The following RPTOR variants were observed in gnomAD, a reference collection of about 807,000 sequenced individuals.
RPTOR encodes the protein regulatory associated protein of MTOR complex 1, also known as regulatory-associated protein of mTOR.
RPTOR carries 21 observed loss-of-function variants against 169.9 expected under a neutral mutation model. The ratio of observed to expected loss-of-function variants is 0.12; its 90% CI spans 0.09 to 0.18. The LOEUF is 0.18. RPTOR is among the 10% of genes least tolerant of loss of function. RPTOR has a pLI of 1.00. For synonymous variants in RPTOR, 732 were observed against 753.2 expected (o/e 0.97, Z 0.46); for missense variants, 1,133 against 1,855.9 (o/e 0.61, Z 7.16).
At chr17:80,916,067 C>G (rs2068670184) in intron 21 of RPTOR, among the ~76,000 whole-genome samples, 2 of 152,192 alleles carry the variant, frequency 1.3e-5, no homozygotes. Flanking sequence ...CCTCATTCTT[C>G]CTGGATGCAG....
chr17:80,595,464 T>C (rs551408969), intron 1 of RPTOR, among the ~76,000 whole-genome samples: 213 of 144,390 alleles, frequency 1.5e-3, no homozygotes, highest in Middle Eastern at 3.7e-3. Flanking sequence ...ACAGGGTTTT[T>C]CCCCCCCCTT....
At chr17:80,847,668 C>T (rs550691213) in intron 11 of RPTOR, among the ~76,000 whole-genome samples, 2 of 152,310 alleles carry the variant, frequency 1.3e-5, no homozygotes, top group East Asian at 3.9e-4. Context: ...AGAGCCCCAC[C>T]TCCGGGTGTG....
intron 17 of RPTOR, among the ~76,000 whole-genome samples, chr17:80,890,312 G>T (rs2068304690): frequency 6.6e-6 from 1 of 152,280 alleles, no homozygotes; most frequent in Non-Finnish European, 1.5e-5. Context: ...GACAGGTGCA[G>T]CCTTGATCTT....
At chr17:80,612,135 G>T in intron 1 of RPTOR, among the ~76,000 whole-genome samples, 1 of 152,168 alleles carries the variant, frequency 6.6e-6, no homozygotes, top group East Asian at 1.9e-4. Context: ...TTAAAAATAG[G>T]CATCTTTTTT....
intron 9 of RPTOR, among the ~76,000 whole-genome samples, chr17:80,833,255 G>T (rs948772189): frequency 6.6e-6 from 1 of 152,218 alleles, no homozygotes; most frequent in Non-Finnish European, 1.5e-5. Context: ...ATGTTTTCCA[G>T]GCGAGTGACT....
At chr17:80,625,540 G>A in intron 1 of RPTOR, 151 bp from the exon 2 acceptor site, 1 of 630,632 alleles carries the variant, frequency 1.6e-6, no homozygotes, top group Non-Finnish European at 2.8e-6. Flanking sequence ...CACTAGGGCT[G>A]GGGTAGCCAG....
chr17:80,922,775 C>A lies in RPTOR; in HGVS notation c.2572C>A (p.Gln858Lys). The A allele has an allele frequency of 6.3e-7, 1 of 1,582,180 alleles. No individual in the cohort carries two copies. Residue 858 changes from glutamine to lysine, a missense_variant, in exon 22 of 34, where the codon CAG (glutamine) becomes AAG (lysine). Transcript: ENST00000306801. ...QRVLDTSSLT[Q>K]SAPASPTNKG... ...CGTCCTGGACACCTCCTCCCTCACG[C>A]AGTCGGCCCCCGCCAGCCCCACCAA...
chr17:80,685,627 A>ATATATATATTTT (rs1269766086), intron 3 of RPTOR, among the ~76,000 whole-genome samples: 1 of 30,684 alleles, frequency 3.3e-5, no homozygotes, highest in Non-Finnish European at 5.4e-5. Flanking sequence ...ATATATATAT[A>ATATATATATTTT]TTTTTTTTTT....
At chr17:80,806,846 C>T (rs147331971) in intron 7 of RPTOR, among the ~76,000 whole-genome samples, 80 of 152,050 alleles carry the variant, frequency 5.3e-4, no homozygotes, top group African/African-American at 1.7e-3. Context: ...TATATCTTAA[C>T]AGCCTCTTCT....
intron 21 of RPTOR, among the ~76,000 whole-genome samples, chr17:80,920,226 G>A (rs1156466166): frequency 6.6e-6 from 1 of 152,204 alleles, no homozygotes; most frequent in Non-Finnish European, 1.5e-5. Context: ...ACCTCTGAGG[G>A]ACACGCTACT....
intron 1 of RPTOR, among the ~76,000 whole-genome samples, chr17:80,554,673 G>C (rs2084384712): frequency 1.3e-5 from 2 of 152,042 alleles, no homozygotes; most frequent in Non-Finnish European, 2.9e-5. Context: ...GAACCCGGGA[G>C]GCAGAGCTTG....
At chr17:80,747,575 C>T (rs969429898) in intron 5 of RPTOR, among the ~76,000 whole-genome samples, 7 of 152,262 alleles carry the variant, frequency 4.6e-5, no homozygotes, top group Non-Finnish European at 8.8e-5. Context: ...ACTGCTCCCT[C>T]GGCAACCACA....
At chr17:80,668,000 A>AG (rs1000647296) in intron 3 of RPTOR, among the ~76,000 whole-genome samples, 2 of 152,220 alleles carry the variant, frequency 1.3e-5, no homozygotes, top group Non-Finnish European at 2.9e-5. Flanking sequence ...CTGGAACCAC[A>AG]GGGGGTTTAA....
At chr17:80,600,123 C>A (rs1375218573) in intron 1 of RPTOR, among the ~76,000 whole-genome samples, 1 of 152,176 alleles carries the variant, frequency 6.6e-6, no homozygotes, top group African/African-American at 2.4e-5. Context: ...GAGGAGAGGC[C>A]TGCAGATTCT....
intron 17 of RPTOR, among the ~76,000 whole-genome samples, chr17:80,888,354 G>T (rs923446538): frequency 6.6e-6 from 1 of 152,174 alleles, no homozygotes; most frequent in Non-Finnish European, 1.5e-5. Flanking sequence ...GGGCTCAAGT[G>T]ATCCACTCTG....
intron 1 of RPTOR, among the ~76,000 whole-genome samples, chr17:80,552,282 T>A (rs1399787482): frequency 6.6e-6 from 1 of 152,218 alleles, no homozygotes; most frequent in Admixed American, 6.5e-5. Flanking sequence ...AAAGCCTTCA[T>A]GATTTGGCCT....
chr17:80,858,674 T>C (rs1031361744), intron 13 of RPTOR, among the ~76,000 whole-genome samples: 3 of 151,898 alleles, frequency 2.0e-5, no homozygotes, highest in African/African-American at 7.3e-5. Flanking sequence ...AGACCCGGCC[T>C]ATGCTGAACT....
At position 80,860,227 on chromosome 17, in the gene RPTOR, G is replaced by A. The variant is rs191870787; in HGVS notation, c.1509+2327G>A. Among the ~76,000 whole-genome samples the A allele has an allele frequency of 1.3e-5, 2 of 152,320 alleles. No individual in the cohort carries two copies. The highest frequency in any genetic ancestry group is 4.8e-5 in the African/African-American group (2 of 41,580). Reference sequence around the variant, plus strand: ...TAGCCCTGTCAGCCATGTCGCACTGGCCACCAGGACCTGCTGTGCTCGCTG... The same window carrying A: ...TAGCCCTGTCAGCCATGTCGCACTGACCACCAGGACCTGCTGTGCTCGCTG... On this transcript the variant is annotated intron_variant, in intron 13 of 33. Transcript: ENST00000306801. The surrounding 1 kb of genome is among the most constrained non-coding windows in gnomAD (Gnocchi z 5.8).
intron 24 of RPTOR, among the ~76,000 whole-genome samples, chr17:80,934,967 G>A (rs1204665439): frequency 2.0e-5 from 3 of 150,732 alleles, no homozygotes; most frequent in Non-Finnish European, 4.4e-5. Context: ...AAGGAGGATC[G>A]CTTGAGTCCA....
Sources: allele counts gnomAD v4.1 joint callset (sites outside exome capture counted in the v4.1 genomes callset), GRCh38; gene constraint gnomAD v4.1.1; non-coding constraint Gnocchi (gnomAD v3.1); transcripts MANE v1.5; gene names NCBI Gene and HGNC (gene_info 2026-07-23, HGNC 2026-07-21).